MX2: variants seen among roughly 807,000 people sequenced by gnomAD.
MX2 encodes interferon-induced GTP-binding protein Mx2.
A neutral mutation model predicts 74.0 loss-of-function variants in MX2; 51 were observed. That is an observed-to-expected ratio of 0.69 (90% CI 0.55 to 0.87). The LOEUF is 0.87. MX2 is among the 40% of genes least tolerant of loss of function. The pLI is 0.00. For synonymous variants in MX2, 369 were observed against 339.3 expected (o/e 1.09, Z -0.96); for missense variants, 832 against 908.7 (o/e 0.92, Z 1.09).
rs530277596 is a variant in MX2, at chr21:41,375,070, G to A, written c.-71-1766G>A. On this transcript the variant is annotated intron_variant, in intron 1 of 13. Transcript: ENST00000330714. ...ACCTTTGCACATGCATTTCCTCTGC[G>A]GGAGAGGCTGGTCCCCACTTCCTCC... is the stretch of plus-strand genomic sequence containing the variant. Among the ~76,000 whole-genome samples, 8 of 152,230 alleles carry A rather than the reference G, an allele frequency of 5.3e-5. No homozygotes were observed. The South Asian group carries it at 8.3e-4, about 16-fold the overall frequency.
chr21:41,377,299 A>G (rs1463500146), intron 2 of MX2, 144 bp downstream of exon 2: 12 of 1,218,404 alleles, frequency 9.8e-6, no homozygotes, highest in Non-Finnish European at 1.4e-5. Flanking sequence ...GGTCATGCCC[A>G]ACAAGTACCA....
At chr21:41,379,396 T>G (rs2089457824) in intron 3 of MX2, among the ~76,000 whole-genome samples, 2 of 152,132 alleles carry the variant, frequency 1.3e-5, no homozygotes. Context: ...CTCCCACCTT[T>G]CCTGGGTTCA....
intron 5 of MX2, among the ~76,000 whole-genome samples, chr21:41,385,811 A>G (rs1465392367): frequency 6.6e-6 from 1 of 152,156 alleles, no homozygotes; most frequent in Non-Finnish European, 1.5e-5. Context: ...CCCCAAAACA[A>G]TTATAATAAA....
At position 41,382,396 on chromosome 21, in the gene MX2, C is replaced by G. The variant is rs1568938150; in HGVS notation, c.578-14C>G. Reference sequence around the variant, plus strand: ...AATGAGGGCTCTGGGTTTCTCCCCTCCTGGCCTCCATAGCCCAGAACGTCA... The same window carrying G: ...AATGAGGGCTCTGGGTTTCTCCCCTGCTGGCCTCCATAGCCCAGAACGTCA... On this transcript the variant is annotated splice_polypyrimidine_tract_variant and intron_variant, in intron 4 of 13. Transcript: ENST00000330714. 1 of 1,612,802 alleles carries G rather than the reference C, an allele frequency of 6.2e-7. No homozygotes were observed. Among genetic ancestry groups the G allele is most frequent in the Non-Finnish European group, 8.5e-7 (1 of 1,179,226 alleles).
chr21:41,375,419 C>T (rs1601398073), intron 1 of MX2, among the ~76,000 whole-genome samples: 1 of 152,254 alleles, frequency 6.6e-6, no homozygotes, highest in Non-Finnish European at 1.5e-5. Context: ...CATTGGTTCT[C>T]TCACAGCCCT....
intron 5 of MX2, among the ~76,000 whole-genome samples, chr21:41,382,766 AG>A (rs1412644495): frequency 6.6e-6 from 1 of 152,232 alleles, no homozygotes; most frequent in African/African-American, 2.4e-5. Context: ...GTTGGACTCC[AG>A]GGGACTGGCA....
Position 41,388,834 on chromosome 21 carries a change from G to A in MX2, c.733-1731G>A, listed in dbSNP as rs1481080935. On this transcript the variant is annotated intron_variant, in intron 5 of 13. Coordinates refer to ENST00000330714, the MANE Select transcript of MX2 (RefSeq NM_002463.2). The surrounding 1 kb of genome is among the most constrained non-coding windows in gnomAD (Gnocchi z 4.0). The stretch of plus-strand genomic sequence containing the variant: ...TGTACCCCCAGGGGACACTGGCAAT[G>A]TCAGGACATCTTTTTGCTTGTCATA... Among the ~76,000 whole-genome samples, 1 of 152,216 alleles carries A rather than the reference G, an allele frequency of 6.6e-6. No homozygotes were observed. The highest frequency in any genetic ancestry group is 1.5e-5 in the Non-Finnish European group (1 of 68,040).
Position 41,383,733 on chromosome 21 carries a change from G to A in MX2, c.732+1169G>A, listed in dbSNP as rs182189093. ...CTCTGCTGTTTGGGGCAAAATCTTG[G>A]TTAGTGATCTTCCTCAACATCCAAA... is the stretch of plus-strand genomic sequence containing the variant. On this transcript the variant is annotated intron_variant, in intron 5 of 13. Transcript: ENST00000330714. 7.7e-3 allele frequency among the ~76,000 whole-genome samples: 1,178 copies of A among 152,296 alleles called. 20 individuals carry two copies. The highest frequency in any genetic ancestry group is 0.027 in the African/African-American group (1,114 of 41,548).
rs573373601 is a variant in MX2 at position 41,408,832 on chromosome 21, G to A, written c.*599G>A. 2.0e-5 allele frequency: 3 copies of A among 152,508 alleles called. No homozygotes were observed. The highest frequency in any genetic ancestry group is 1.9e-4 in the East Asian group (1 of 5,190). The allele number at this position is 152,508 out of a possible 1,614,324, so 9.4% of individuals were successfully genotyped here. A position where few individuals can be genotyped will look rare whatever the true frequency, so the allele number is the denominator to read the frequency against. ...GCCTCTCCACTCCCCCGCCAGAAAGGAGCCTGAGTGATTCTCTTTTCTTCT... is the reference window on the plus strand; with the variant it reads ...GCCTCTCCACTCCCCCGCCAGAAAGAAGCCTGAGTGATTCTCTTTTCTTCT... On this transcript the variant is annotated 3_prime_UTR_variant, in exon 14 of 14. Coordinates refer to ENST00000330714, the MANE Select transcript of MX2 (RefSeq NM_002463.2).
intron 1 of MX2, among the ~76,000 whole-genome samples, chr21:41,375,069 C>T (rs561325789): frequency 2.0e-4 from 31 of 152,308 alleles, no homozygotes; most frequent in African/African-American, 2.6e-4. Context: ...ATTTCCTCTG[C>T]GGGAGAGGCT....
At chr21:41,377,339 G>A (rs767794264) in intron 2 of MX2, among the ~76,000 whole-genome samples, 184 bp downstream of exon 2, 14 of 152,160 alleles carry the variant, frequency 9.2e-5, no homozygotes, top group Admixed American at 2.6e-4. Flanking sequence ...CTGCAGCAAC[G>A]GGCTGCTGCG....
chr21:41,396,889 G>T (rs1170216634), intron 7 of MX2, among the ~76,000 whole-genome samples: 1 of 152,208 alleles, frequency 6.6e-6, no homozygotes, highest in Admixed American at 6.5e-5. Context: ...GTCCTGCTCT[G>T]CCCTGAGGCC....
rs1036563517 is a variant in MX2 at position 41,382,321 on chromosome 21, G to C, written c.578-89G>C. ...GGACCTACTGAAGCTCTCATACCCT[G>C]GAAAGGAGCAGTCATTACCTTCAGG... is the stretch of plus-strand genomic sequence containing the variant. On this transcript the variant is annotated intron_variant, in intron 4 of 13. Transcript: ENST00000330714. 3 of 1,472,472 alleles carry C rather than the reference G, an allele frequency of 2.0e-6. No individual in the cohort carries two copies. The African/African-American group carries it at 4.2e-5, about 21-fold the overall frequency. The allele number at this position is 1,472,472 out of a possible 1,614,324, so 91.2% of individuals were successfully genotyped here. A position where few individuals can be genotyped will look rare whatever the true frequency, so the allele number is the denominator to read the frequency against.
chr21:41,403,386 C>G (rs537795606), intron 12 of MX2, 43 bp downstream of exon 12: 1 of 1,466,964 alleles, frequency 6.8e-7, no homozygotes, highest in African/African-American at 1.4e-5. Context: ...GGACCACTGG[C>G]TGTTTAACCT....
chr21:41,392,831 A>G (rs765368668), intron 6 of MX2, among the ~76,000 whole-genome samples: 4 of 152,174 alleles, frequency 2.6e-5, no homozygotes, highest in Non-Finnish European at 5.9e-5. Flanking sequence ...GAGGCCGGGC[A>G]TGTTGACTCA....
In MX2 at chr21:41,377,134, CAGG is replaced by C; in HGVS notation, c.231_233del (p.Arg77del). 6.2e-7 allele frequency: 1 copy of C among 1,614,172 alleles called. No homozygotes were observed. The highest frequency in any genetic ancestry group is 8.5e-7 in the Non-Finnish European group (1 of 1,180,034). ...TGAACAATCAGCCACCACCAGGAAA[CAGG>C]AGCCAACCAAGGGCAATGGTAAGCC... On this transcript the variant is annotated inframe_deletion, in exon 2 of 14. Coordinates refer to ENST00000330714, the MANE Select transcript of MX2 (RefSeq NM_002463.2).
chr21:41,365,296 G>A (rs1479990447), intron 1 of MX2: 2 of 152,166 alleles, frequency 1.3e-5, no homozygotes, highest in East Asian at 3.8e-4. Context: ...ATTGTGTCAT[G>A]GGAGTTTAGT....
chr21:41,390,530 G>A (rs140632526), intron 5 of MX2, 35 bp from the exon 6 acceptor site: 201 of 1,613,088 alleles, frequency 1.2e-4, no homozygotes, highest in African/African-American at 9.9e-4. Flanking sequence ...GAAGTGAGAC[G>A]TGTGCTCTTT....
At chr21:41,378,008 C>A in intron 3 of MX2, 27 bp downstream of exon 3, 1 of 1,602,464 alleles carries the variant, frequency 6.2e-7, no homozygotes, top group Non-Finnish European at 8.5e-7. Context: ...ACCTTCCCTC[C>A]GCAGCAAGCA....
Sources: allele counts gnomAD v4.1 joint callset (sites outside exome capture counted in the v4.1 genomes callset), GRCh38; gene constraint gnomAD v4.1.1; non-coding constraint Gnocchi (gnomAD v3.1); transcripts MANE v1.5; gene names NCBI Gene and HGNC (gene_info 2026-07-23, HGNC 2026-07-21).